Variants in MYH11 observed in about 807,000 individuals in gnomAD.
The protein encoded by MYH11 is myosin heavy chain 11, also known as myosin-11.
Under a neutral mutation model 246.6 loss-of-function variants are expected in MYH11, and 80 were observed. The observed-to-expected ratio is 0.32, with a 90% CI of 0.27 to 0.39. The LOEUF is 0.39. MYH11 is among the 10% of genes least tolerant of loss of function. The probability of loss-of-function intolerance (pLI) is 1.00; values close to 1 mark genes in which losing one functional copy is unlikely to be tolerated. For synonymous variants in MYH11, 1,071 were observed against 1,015.5 expected, an observed-to-expected ratio of 1.05 and a Z score of -1.04; for missense variants, 2,158 against 2,546.8, an observed-to-expected ratio of 0.85 and a Z score of 3.29.
chr16:15,846,844 C>T (rs558199463), intron 1 of MYH11, among the ~76,000 whole-genome samples: 2 of 152,220 alleles, frequency 1.3e-5, no homozygotes, highest in South Asian at 2.1e-4. Flanking sequence ...GTCCCAGCTA[C>T]TCAGGAGGCT....
intron 27 of MYH11, among the ~76,000 whole-genome samples, chr16:15,727,478 GGC>G (rs1224316617): frequency 6.6e-6 from 1 of 152,024 alleles, no homozygotes; most frequent in African/African-American, 2.4e-5. Flanking sequence ...TGGGATTACA[GGC>G]GTGAGCTGCC....
chr16:15,821,502 T>C (rs2043409097), intron 3 of MYH11, among the ~76,000 whole-genome samples: 1 of 152,198 alleles, frequency 6.6e-6, no homozygotes, highest in South Asian at 2.1e-4. Flanking sequence ...AATAAATTTT[T>C]TCAGAGCACT....
intron 5 of MYH11, chr16:15,782,680 G>A: frequency 3.5e-6 from 2 of 572,964 alleles, no homozygotes; most frequent in Non-Finnish European, 6.3e-6. Context: ...CTAATAGCTA[G>A]GACATCTGCT....
chr16:15,766,482 C>T (rs2041987196), intron 9 of MYH11, among the ~76,000 whole-genome samples: 1 of 151,982 alleles, frequency 6.6e-6, no homozygotes, highest in African/African-American at 2.4e-5. Context: ...GGGAATTCTC[C>T]TGCCTCAGCC....
intron 2 of MYH11, among the ~76,000 whole-genome samples, chr16:15,836,989 T>C (rs2043915267): frequency 6.6e-6 from 1 of 152,170 alleles, no homozygotes; most frequent in African/African-American, 2.4e-5. Context: ...CCTCCCAGCG[T>C]GCTGGGATTA....
intron 40 of MYH11, among the ~76,000 whole-genome samples, chr16:15,708,013 C>T (rs777404693): frequency 1.3e-5 from 2 of 150,326 alleles, no homozygotes; most frequent in Non-Finnish European, 1.5e-5. Context: ...CCTCTTCATG[C>T]TTTCTTGGGA....
chr16:15,756,945 C>T (rs1470093696), intron 13 of MYH11, among the ~76,000 whole-genome samples: 4 of 150,890 alleles, frequency 2.7e-5, no homozygotes, highest in African/African-American at 9.7e-5. Context: ...ACTACAGGCG[C>T]CTGCCACGGC....
intron 19 of MYH11, among the ~76,000 whole-genome samples, chr16:15,746,238 A>G (rs911544155): frequency 2.6e-5 from 4 of 151,772 alleles, no homozygotes; most frequent in Non-Finnish European, 5.9e-5. Flanking sequence ...TGTCAAACCT[A>G]TTCTCTCCTG....
At chr16:15,805,811 G>A (rs1263497628) in intron 3 of MYH11, among the ~76,000 whole-genome samples, 1 of 152,200 alleles carries the variant, frequency 6.6e-6, no homozygotes, top group Admixed American at 6.5e-5. Flanking sequence ...AGCTACTCAA[G>A]AGGCTGAGGT....
At chr16:15,853,672 G>A (rs1037965159) in intron 1 of MYH11, among the ~76,000 whole-genome samples, 2 of 152,282 alleles carry the variant, frequency 1.3e-5, no homozygotes, top group South Asian at 2.1e-4. Context: ...TGAAAGGTCA[G>A]GAGTGGAAGG....
At chr16:15,743,294 G>A (rs572798897) in intron 20 of MYH11, among the ~76,000 whole-genome samples, 4 of 152,094 alleles carry the variant, frequency 2.6e-5, no homozygotes, top group African/African-American at 7.2e-5. Flanking sequence ...TCAATCTCCT[G>A]AGTAGCTGGG....
intron 3 of MYH11, among the ~76,000 whole-genome samples, chr16:15,814,723 G>A (rs938423579): frequency 2.0e-5 from 3 of 151,984 alleles, no homozygotes; most frequent in African/African-American, 4.8e-5. Flanking sequence ...TCAAGGAGGA[G>A]ACAAAAACAT....
At chr16:15,839,999 C>T (rs768684273) in intron 1 of MYH11, among the ~76,000 whole-genome samples, 7 of 151,718 alleles carry the variant, frequency 4.6e-5, no homozygotes, top group Non-Finnish European at 1.0e-4. Context: ...TGCAGTGAGC[C>T]GAGACTGCAC....
chr16:15,737,295 C>G (rs1032273038), intron 25 of MYH11, among the ~76,000 whole-genome samples, 154 bp downstream of exon 25: 1 of 152,104 alleles, frequency 6.6e-6, no homozygotes, highest in Admixed American at 6.5e-5. Context: ...TGAACAGGGT[C>G]GAGAAGGCTT....
intron 16 of MYH11, chr16:15,749,302 A>G (rs2041502980): frequency 6.6e-6 from 1 of 152,022 alleles, no homozygotes; most frequent in African/African-American, 2.4e-5. Flanking sequence ...GGCGTGAGCA[A>G]CACGCCTGGA....
rs886051760 is a variant in MYH11, at chr16:15,740,041, C to A, written c.2997+10G>T. 1.4e-5 allele frequency: 22 copies of A among 1,613,730 alleles called. No individual in the cohort carries two copies. The highest frequency in any genetic ancestry group is 1.8e-5 in the Non-Finnish European group (21 of 1,179,958). ...ATAGGCGTGAGCCACTGCACCCGGC[C>A]CCTACTCACTTTTGATAGTTTATTG... On this transcript the variant is annotated intron_variant, in intron 23 of 40. Coordinates refer to ENST00000300036, the MANE Select transcript of MYH11 (RefSeq NM_002474.3).
At chr16:15,779,277 T>C (rs759467756) in intron 6 of MYH11, 28 of 307,258 alleles carry the variant, frequency 9.1e-5, no homozygotes, top group Non-Finnish European at 1.3e-4. Context: ...CAGCTAGGAC[T>C]ACAGGCATGC....
At chr16:15,779,101 A>T in intron 6 of MYH11, 1 of 602,788 alleles carries the variant, frequency 1.7e-6, no homozygotes, top group South Asian at 1.9e-5. Flanking sequence ...CAATGACCGT[A>T]GTCCATCATG....
chr16:15,708,295 G>A (rs558147561), intron 40 of MYH11, among the ~76,000 whole-genome samples: 10 of 152,236 alleles, frequency 6.6e-5, no homozygotes, highest in South Asian at 6.2e-4. Context: ...TTGCCGCGCC[G>A]CAGTTACCGT....
Sources: allele counts gnomAD v4.1 joint callset (sites outside exome capture counted in the v4.1 genomes callset), GRCh38; gene constraint gnomAD v4.1.1; transcripts MANE v1.5; gene names NCBI Gene and HGNC (gene_info 2026-07-23, HGNC 2026-07-21).